The following LIPA variants were observed in gnomAD, a reference collection of about 807,000 sequenced individuals.
LIPA encodes lipase A, lysosomal acid type.
Under a neutral mutation model 40.6 loss-of-function variants are expected in LIPA, and 26 were observed. The ratio of observed to expected loss-of-function variants is 0.64; its 90% CI spans 0.47 to 0.89. The LOEUF is 0.89. LIPA is among the 40% of genes least tolerant of loss of function. The pLI is 0.00. For missense variants in LIPA, 455 were observed against 479.6 expected (o/e 0.95, Z 0.48); for synonymous variants, 188 against 168.4 (o/e 1.12, Z -0.90).
At chr10:89,320,623 C>T (rs575268545) in intron 1 of LIPA, among the ~76,000 whole-genome samples, 22 of 152,268 alleles carry the variant, frequency 1.4e-4, no homozygotes, top group Middle Eastern at 3.4e-3. Context: ...GAATCAATAT[C>T]GTGAAAATGG....
chr10:89,312,426 G>T (rs1053694410), intron 1 of LIPA, among the ~76,000 whole-genome samples: 1 of 152,094 alleles, frequency 6.6e-6, no homozygotes, highest in East Asian at 1.9e-4. Flanking sequence ...GGGCAACACA[G>T]TGAGATGAGA....
chr10:89,383,665 C>T (rs1844180356), intron 2 of LIPA: 1 of 1,614,232 alleles, frequency 6.2e-7, no homozygotes, highest in South Asian at 1.1e-5. Context: ...CCAGACTTAC[C>T]TGGACAAGGT....
chr10:89,354,468 C>T (rs1447996010), intron 2 of LIPA, among the ~76,000 whole-genome samples: 1 of 151,932 alleles, frequency 6.6e-6, no homozygotes, highest in African/African-American at 2.4e-5. Context: ...TAGAGTTTGA[C>T]TCTTTTCATT....
chr10:89,414,126 C>G (rs75955915), intron 1 of LIPA, among the ~76,000 whole-genome samples: 1,524 of 152,300 alleles, frequency 0.01, 25 homozygotes, highest in African/African-American at 0.035. Flanking sequence ...TTGGCAATAT[C>G]CGTCAAAACT....
In LIPA at chr10:89,400,723, T is replaced by C. The variant is rs146526736; in HGVS notation, c.61+12068A>G. ...CATTTGTGAACAGAGATAATCTTAC[T>C]TCTTCCTTTCCAACTTGGATGTCTT... On this transcript the variant is annotated intron_variant, in intron 2 of 8. Coordinates refer to the LIPA transcript ENST00000371837. Among the ~76,000 whole-genome samples, 12 of 152,356 alleles carry C rather than the reference T, an allele frequency of 7.9e-5. No homozygotes were observed. The East Asian group carries it at 2.3e-3, about 29-fold the overall frequency.
chr10:89,354,692 C>T (rs1385091639), intron 2 of LIPA, among the ~76,000 whole-genome samples: 4 of 152,118 alleles, frequency 2.6e-5, no homozygotes, highest in African/African-American at 9.7e-5. Flanking sequence ...TTCAGCCTCC[C>T]GAGTAGCTGG....
intron 2 of LIPA, among the ~76,000 whole-genome samples, chr10:89,393,512 C>T (rs1468869181): frequency 6.6e-6 from 1 of 152,184 alleles, no homozygotes; most frequent in Admixed American, 6.5e-5. Flanking sequence ...GTGAGCAGAT[C>T]GCCTGAGGTC....
At chr10:89,405,435 G>A (rs927046796) in intron 2 of LIPA, 2 of 152,168 alleles carry the variant, frequency 1.3e-5, no homozygotes, top group Admixed American at 1.3e-4. Context: ...TATATGTTTT[G>A]GGGGGAATAT....
rs1842798350 is a variant in LIPA, at chr10:89,228,371, T to C, written c.257A>G (p.His86Arg). 5.0e-6 allele frequency: 8 copies of C among 1,614,240 alleles called. No individual in the cohort carries two copies. The highest frequency in any genetic ancestry group is 6.8e-6 in the Non-Finnish European group (8 of 1,180,030). Reference protein sequence around the residue: ...KGPKPVVFLQHGLLADSSNWV... With the variant: ...KGPKPVVFLQRGLLADSSNWV... ...GTTACTAGAATCTGCCAGCAAGCCA[T>C]GTTGCAGGAAGACAACTGGTTTGGG... Residue 86 changes from histidine (H) to arginine (R), a missense_variant, in exon 4 of 10, where the codon CAT becomes CGT. Coordinates refer to ENST00000336233, the MANE Select transcript of LIPA (RefSeq NM_000235.4).
chr10:89,385,390 A>T (rs1439274166), intron 2 of LIPA, among the ~76,000 whole-genome samples: 1 of 152,100 alleles, frequency 6.6e-6, no homozygotes, highest in Non-Finnish European at 1.5e-5. Flanking sequence ...CTTCCACAAC[A>T]CATCCCTGCA....
chr10:89,255,317 A>T (rs936258586), upstream of LIPA, among the ~76,000 whole-genome samples: 1 of 152,222 alleles, frequency 6.6e-6, no homozygotes, highest in African/African-American at 2.4e-5. Flanking sequence ...ACATGAGAGG[A>T]TATGAGAACC....
At chr10:89,380,682 C>G (rs1269298624) in intron 2 of LIPA, among the ~76,000 whole-genome samples, 1 of 152,164 alleles carries the variant, frequency 6.6e-6, no homozygotes, top group Non-Finnish European at 1.5e-5. Context: ...ATTCACCTGC[C>G]TTGGACTCTC....
intron 1 of LIPA, chr10:89,338,948 G>A (rs1564792266): frequency 6.2e-7 from 1 of 1,614,158 alleles, no homozygotes; most frequent in East Asian, 2.2e-5. Flanking sequence ...GTCACTTGGG[G>A]AAACTACGCC....
At chr10:89,373,334 C>CAAAAAAAAAAAAAAAAAAAAAAA (rs34479360) in intron 2 of LIPA, among the ~76,000 whole-genome samples, 1 of 63,164 alleles carries the variant, frequency 1.6e-5, no homozygotes, top group African/African-American at 6.1e-5. Flanking sequence ...GACTCCCTCT[C>CAAAAAAAAAAAAAAAAAAAAAAA]AAAAAAAAAA....
intron 2 of LIPA, among the ~76,000 whole-genome samples, chr10:89,410,910 AAGTC>A (rs1253699405): frequency 1.3e-5 from 2 of 152,218 alleles, no homozygotes; most frequent in East Asian, 1.9e-4. Flanking sequence ...AAGAGACAGA[AAGTC>A]AGAGAGAGAG....
chr10:89,245,728 A>G lies in LIPA; in HGVS notation c.177T>C (p.Tyr59=), dbSNP rs2133464296. ...GAGGAATTCGGTTAAGGCACAGAAT[A>G]TATCCATCTTCTGTCTCAACTAGGT... ...EEYLVETEDG[Y]ILCLNRIPHG... Residue 59 remains tyrosine, a synonymous_variant, in exon 3 of 10, where the codon TAT becomes TAC. Coordinates refer to ENST00000336233, the MANE Select transcript of LIPA (RefSeq NM_000235.4). 6.2e-7 allele frequency: 1 copy of G among 1,606,450 alleles called. No homozygotes were observed. The highest frequency in any genetic ancestry group is 8.5e-7 in the Non-Finnish European group (1 of 1,173,066).
At chr10:89,372,048 C>A (rs1336201894) in intron 2 of LIPA, among the ~76,000 whole-genome samples, 1 of 152,158 alleles carries the variant, frequency 6.6e-6, no homozygotes, top group East Asian at 1.9e-4. Flanking sequence ...AATATGGGAC[C>A]TACTTGAGGG....
upstream of LIPA, among the ~76,000 whole-genome samples, chr10:89,256,039 G>A (rs1320034844): frequency 1.3e-5 from 2 of 152,230 alleles, no homozygotes; most frequent in African/African-American, 4.8e-5. Context: ...GGCCAAGAAA[G>A]AGAGGAGCTA....
rs150163539 is a variant in LIPA, at chr10:89,339,848, T to C, written c.-2+2763A>G. On this transcript the variant is annotated intron_variant, in intron 1 of 5. Transcript: ENST00000282673. ...AAAAAATCAACTGACAAGGAAGAGA[T>C]CAAAGACCAACCACAGAATGTATCT... 7.2e-4 allele frequency: 1,166 copies of C among 1,614,150 alleles called. 1 individual carries two copies. The highest frequency in any genetic ancestry group is 9.3e-4 in the Non-Finnish European group (1,103 of 1,180,004).
Sources: gnomAD v4.1 joint callset for allele counts (sites outside exome capture counted in the v4.1 genomes callset) on GRCh38, gnomAD v4.1.1 for gene constraint, MANE v1.5 for transcripts, NCBI Gene and HGNC (gene_info 2026-07-23, HGNC 2026-07-21) for gene names.